Variants in CLASP1 observed in about 807,000 individuals in gnomAD.
CLASP1 encodes cytoplasmic linker associated protein 1, also known as CLIP-associating protein 1.
A neutral mutation model predicts 192.3 loss-of-function variants in CLASP1; 38 were observed. That is an observed-to-expected ratio of 0.20 (90% CI 0.15 to 0.26). The LOEUF is 0.26. Ranked by LOEUF, CLASP1 falls within the 10% of genes least tolerant of loss-of-function variation. The probability of loss-of-function intolerance (pLI) is 1.00; values close to 1 mark genes in which losing one functional copy is unlikely to be tolerated. For synonymous variants in CLASP1, 691 were observed against 712.8 expected (o/e 0.97, Z 0.49); for missense variants, 1,433 against 1,932.5 (o/e 0.74, Z 4.85).
intron 1 of CLASP1, among the ~76,000 whole-genome samples, chr2:121,617,246 T>G (rs1277409057): frequency 7.0e-6 from 1 of 142,446 alleles, no homozygotes; most frequent in Non-Finnish European, 1.5e-5. Context: ...CCCACACAGA[T>G]GACAACAACT....
intron 2 of CLASP1, among the ~76,000 whole-genome samples, chr2:121,549,953 C>T (rs1201605026): frequency 6.8e-6 from 1 of 147,776 alleles, no homozygotes; most frequent in Non-Finnish European, 1.5e-5. Context: ...TTGCAGTGAG[C>T]CAAGATTGTG....
chr2:121,469,196 CCA>C (rs1371505334), intron 9 of CLASP1, among the ~76,000 whole-genome samples: 1 of 152,122 alleles, frequency 6.6e-6, no homozygotes, highest in Non-Finnish European at 1.5e-5. Flanking sequence ...CCTTCCACTC[CCA>C]CAGAGCTACC....
At chr2:121,469,857 C>T in exon 9 of CLASP1, 1 of 1,613,774 alleles carries the variant, frequency 6.2e-7, no homozygotes, top group African/African-American at 1.3e-5. Context: ...GGGTGGTTCC[C>T]ATTCCAACGT....
intron 22 of CLASP1, among the ~76,000 whole-genome samples, chr2:121,422,966 T>C (rs897921377): frequency 1.3e-5 from 2 of 152,046 alleles, no homozygotes; most frequent in Non-Finnish European, 1.5e-5. Flanking sequence ...TGCTATACAA[T>C]GAGTCAAATG....
intron 2 of CLASP1, among the ~76,000 whole-genome samples, chr2:121,576,751 A>G (rs569721160): frequency 3.9e-5 from 6 of 152,390 alleles, no homozygotes; most frequent in Admixed American, 2.6e-4. Flanking sequence ...ACACTAACTC[A>G]TGTTCTGAAA....
chr2:121,459,548 G>A (rs1192642486), intron 12 of CLASP1: 4 of 154,476 alleles, frequency 2.6e-5, no homozygotes, highest in African/African-American at 7.2e-5. Context: ...AGTTTTAATA[G>A]CTTTGATCAC....
At chr2:121,402,967 G>A (rs776452590) in intron 26 of CLASP1, among the ~76,000 whole-genome samples, 10 of 152,222 alleles carry the variant, frequency 6.6e-5, no homozygotes, top group South Asian at 2.1e-4. Context: ...AAGTAACTGC[G>A]ATTACAGGTG....
At chr2:121,403,217 T>G (rs1392330264) in intron 26 of CLASP1, among the ~76,000 whole-genome samples, 1 of 151,900 alleles carries the variant, frequency 6.6e-6, no homozygotes, top group African/African-American at 2.4e-5. Context: ...TGACACTGAG[T>G]GAGGAGAGCT....
At chr2:121,342,482 G>C (rs185466400) in intron 39 of CLASP1, among the ~76,000 whole-genome samples, 15 of 152,258 alleles carry the variant, frequency 9.9e-5, no homozygotes, top group Admixed American at 2.0e-4. Context: ...CAAAAACAGT[G>C]CTGAAGAGGG....
chr2:121,604,385 T>C (rs1012561519), intron 2 of CLASP1, among the ~76,000 whole-genome samples: 1 of 152,214 alleles, frequency 6.6e-6, no homozygotes, highest in Admixed American at 6.5e-5. Context: ...ACAGGTAGGA[T>C]AGGCTGGGCA....
exon 5 of CLASP1, chr2:121,527,799 G>C: frequency 6.2e-7 from 1 of 1,608,186 alleles, no homozygotes; most frequent in Non-Finnish European, 8.5e-7. Flanking sequence ...CCAGACTTAC[G>C]CATTGAGTGT....
intron 2 of CLASP1, among the ~76,000 whole-genome samples, chr2:121,580,766 T>C (rs1447971428): frequency 6.6e-6 from 1 of 152,242 alleles, no homozygotes; most frequent in Non-Finnish European, 1.5e-5. Flanking sequence ...ATCATGCACA[T>C]ATTTTTTTTC....
chr2:121,379,720 G>A (rs2071180358), intron 33 of CLASP1, among the ~76,000 whole-genome samples: 1 of 152,126 alleles, frequency 6.6e-6, no homozygotes, highest in Admixed American at 6.5e-5. Flanking sequence ...GTTTTTTTAA[G>A]GGATGTCACA....
At chr2:121,478,618 CACACACACACATACACACACACACA>C (rs2091946566) in intron 8 of CLASP1, among the ~76,000 whole-genome samples, 1 of 130,302 alleles carries the variant, frequency 7.7e-6, no homozygotes, top group African/African-American at 3.0e-5. Flanking sequence ...ACACACACAC[CACACACACACATACACACACACACA>C]CCCCCCACAC....
At chr2:121,484,979 C>T (rs2092870992) in intron 8 of CLASP1, among the ~76,000 whole-genome samples, 2 of 152,086 alleles carry the variant, frequency 1.3e-5, no homozygotes, top group Non-Finnish European at 2.9e-5. Flanking sequence ...AGGGGTATGA[C>T]ATTTGTAAAG....
intron 2 of CLASP1, among the ~76,000 whole-genome samples, chr2:121,544,149 G>C (rs1004488236): frequency 6.6e-6 from 1 of 152,156 alleles, no homozygotes; most frequent in Non-Finnish European, 1.5e-5. Flanking sequence ...ACTTTTTCCA[G>C]AGAACCATCT....
At chr2:121,632,336 G>T (rs1475258739) in intron 1 of CLASP1, among the ~76,000 whole-genome samples, 1 of 152,086 alleles carries the variant, frequency 6.6e-6, no homozygotes, top group Non-Finnish European at 1.5e-5. Context: ...CAATGTTAAG[G>T]CACGTAACTT....
chr2:121,353,308 T>G (rs931576170), intron 37 of CLASP1, among the ~76,000 whole-genome samples: 1 of 152,082 alleles, frequency 6.6e-6, no homozygotes, highest in Non-Finnish European at 1.5e-5. Flanking sequence ...GGCAGAGCTT[T>G]GTGACCCCGA....
At chr2:121,411,033 G>T in intron 23 of CLASP1, 64 bp from the exon 25 acceptor site, 1 of 1,031,080 alleles carries the variant, frequency 9.7e-7, no homozygotes, top group Non-Finnish European at 1.4e-6. Context: ...TTCCTTGCAA[G>T]GACTACTGCC....
Sources: allele counts gnomAD v4.1 joint callset (sites outside exome capture counted in the v4.1 genomes callset), GRCh38; gene constraint gnomAD v4.1.1; transcripts MANE v1.5; gene names NCBI Gene and HGNC (gene_info 2026-07-23, HGNC 2026-07-21).